Variants in CLN8 observed in about 807,000 individuals in gnomAD.
The protein encoded by CLN8 is CLN8 transmembrane ER and ERGIC protein.
A neutral mutation model predicts 15.7 loss-of-function variants in CLN8; 14 were observed. That is an observed-to-expected ratio of 0.89 (90% confidence interval 0.59 to 1.39). The LOEUF (loss-of-function observed/expected upper bound fraction) is 1.39, where lower values mean the gene tolerates loss of function less well. CLN8 is among the 40% of genes most tolerant of loss of function. The probability of loss-of-function intolerance (pLI) is 0.00; values close to 1 mark genes in which losing one functional copy is unlikely to be tolerated. For synonymous variants in CLN8, 188 were observed against 151.0 expected, an observed-to-expected ratio of 1.25 and a Z score of -1.80; for missense variants, 415 against 364.0, an observed-to-expected ratio of 1.14 and a Z score of -1.14.
At position 1,758,598 on chromosome 8, in the gene CLN8, G is replaced by A. The variant is rs1447527649; in HGVS notation, c.-124+2516G>A. The A allele has an allele frequency of 3.9e-5, 6 of 152,320 alleles. No homozygotes were observed. In the East Asian group the frequency reaches 7.7e-4, roughly 20 times the overall value. 9.4% of individuals were successfully genotyped at this position (152,320 alleles called of 1,614,324 possible). A position where few individuals can be genotyped will look rare whatever the true frequency, so the allele number is the denominator to read the frequency against. ...TTTCAAAATTCGGCTTTGTCATTTAGCAGTGTGTGGAGGTGTACATGTTGC... is the reference window on the plus strand; with the variant it reads ...TTTCAAAATTCGGCTTTGTCATTTAACAGTGTGTGGAGGTGTACATGTTGC... On this transcript the variant is annotated intron_variant, in intron 1 of 1. Transcript: ENST00000524258.
chr8:1,767,565 CTTTTTT>C (rs1156569423), intron 1 of CLN8, among the ~76,000 whole-genome samples: 3 of 81,310 alleles, frequency 3.7e-5, no homozygotes, highest in African/African-American at 1.5e-4. Context: ...ATGTTTCTTT[CTTTTTT>C]TTTTTTTTTT....
At chr8:1,772,284 T>C (rs1352035321) in intron 2 of CLN8, among the ~76,000 whole-genome samples, 1 of 152,152 alleles carries the variant, frequency 6.6e-6, no homozygotes, top group African/African-American at 2.4e-5. Flanking sequence ...CGTACACACA[T>C]ACCTTGCTTG....
At chr8:1,763,671 G>A (rs1408202149), upstream of CLN8, 1 of 123,124 alleles carries the variant, frequency 8.1e-6, no homozygotes, top group Non-Finnish European at 1.7e-5. Flanking sequence ...CGCCCCTCCC[G>A]CGCCCGCCGC....
intron 1 of CLN8, among the ~76,000 whole-genome samples, chr8:1,757,766 A>C (rs542912036): frequency 6.6e-6 from 1 of 152,230 alleles, no homozygotes; most frequent in South Asian, 2.1e-4. Context: ...GGCATTTTTA[A>C]AGGCTGGTTG....
intron 2 of CLN8, chr8:1,780,032 C>A: frequency 1.0e-6 from 1 of 985,476 alleles, no homozygotes; most frequent in Non-Finnish European, 1.2e-6. Context: ...CATGAGCGGG[C>A]AAGGGTCAGC....
In CLN8 at chr8:1,766,390, GTT is replaced by G. The variant is rs5888909; in HGVS notation, c.-124+2521_-124+2522del. On this transcript the variant is annotated intron_variant, in intron 1 of 2. Coordinates refer to ENST00000331222, the MANE Select transcript of CLN8 (RefSeq NM_018941.4). ...CATTAGGTTCGGCCTCCAGTTTTTT[GTT>G]TTTTTTTTTTTTTTTGAGACGGAGC... Among the ~76,000 whole-genome samples, 96 of 109,492 alleles carry G rather than the reference GTT, an allele frequency of 8.8e-4. 1 individual carries two copies. Among genetic ancestry groups the G allele is most frequent in the Middle Eastern group, 4.6e-3 (1 of 218 alleles). The allele number at this position is 109,492 out of a possible 152,430, so 71.8% of individuals were successfully genotyped here.
At chr8:1,763,426 C>G (rs1222988401), upstream of CLN8, 2 of 33,594 alleles carry the variant, frequency 6.0e-5, no homozygotes, top group Admixed American at 2.3e-4. Context: ...GCCCCGCCCC[C>G]CGCCGCGCCC....
intron 1 of CLN8, among the ~76,000 whole-genome samples, chr8:1,766,146 TCATGGC>T (rs1441693842): frequency 6.6e-6 from 1 of 152,148 alleles, no homozygotes; most frequent in Non-Finnish European, 1.5e-5. Context: ...TTAAAAAACT[TCATGGC>T]CCAGTGCAAT....
chr8:1,765,638 G>T (rs959369530), intron 1 of CLN8, among the ~76,000 whole-genome samples: 2 of 152,206 alleles, frequency 1.3e-5, no homozygotes, highest in Non-Finnish European at 2.9e-5. Flanking sequence ...GTTCAAAAGA[G>T]AATACACAAA....
chr8:1,767,549 C>T (rs527547871), intron 1 of CLN8, among the ~76,000 whole-genome samples: 1 of 148,082 alleles, frequency 6.8e-6, no homozygotes, highest in East Asian at 2.0e-4. Flanking sequence ...TTTCCCGCTG[C>T]TCTGTATGTT....
At chr8:1,773,039 AC>A in intron 2 of CLN8, 1 of 398,234 alleles carries the variant, frequency 2.5e-6, no homozygotes, top group Non-Finnish European at 4.4e-6. Flanking sequence ...AACAGTACAG[AC>A]TGTTCATGCA....
rs1453544149 is a variant in CLN8, at chr8:1,771,145, G to A, written c.91G>A (p.Gly31Ser). 1.2e-6 allele frequency: 2 copies of A among 1,613,952 alleles called. No individual in the cohort carries two copies. Among genetic ancestry groups the A allele is most frequent in the African/African-American group, 2.7e-5 (2 of 74,890 alleles). ...WGIRSTLMVA[G>S]FVFYLGVFVV... ...GATCCGCTCCACGCTGATGGTCGCT[G>A]GCTTTGTCTTCTACTTGGGCGTCTT... Residue 31 changes from glycine (G) to serine (S), a missense_variant, in exon 2 of 3, where the codon GGC becomes AGC. Coordinates refer to ENST00000331222, the MANE Select transcript of CLN8 (RefSeq NM_018941.4).
chr8:1,774,668 C>G (rs1359426831), intron 2 of CLN8, among the ~76,000 whole-genome samples: 2 of 152,178 alleles, frequency 1.3e-5, no homozygotes, highest in African/African-American at 4.8e-5. Flanking sequence ...TCCACAGACT[C>G]ACTAGTTCAT....
chr8:1,753,876 AC>A (rs1189393478), upstream of CLN8, among the ~76,000 whole-genome samples: 1 of 151,224 alleles, frequency 6.6e-6, no homozygotes, highest in Non-Finnish European at 1.5e-5. Flanking sequence ...ACAAGAGTGA[AC>A]CTCCATCTCA....
intron 2 of CLN8, among the ~76,000 whole-genome samples, chr8:1,779,594 C>CTGTG: frequency 6.6e-6 from 1 of 152,212 alleles, no homozygotes; most frequent in East Asian, 1.9e-4. Flanking sequence ...TCAGCTCAGG[C>CTGTG]TGCCACAGCA....
upstream of CLN8, chr8:1,763,416 GC>G (rs1268597733): frequency 1.4e-4 from 3 of 22,136 alleles, no homozygotes; most frequent in Admixed American, 1.1e-3. Flanking sequence ...CCCCCGCCGC[GC>G]CCCGCCCCCC....
At chr8:1,760,757 C>A (rs1029833965), upstream of CLN8, among the ~76,000 whole-genome samples, 3 of 152,106 alleles carry the variant, frequency 2.0e-5, no homozygotes, top group Admixed American at 6.5e-5. Flanking sequence ...TCGGATCTTG[C>A]GCAGGGAGGA....
chr8:1,780,589 G>A lies in CLN8; in HGVS notation c.*22G>A. 1 of 1,609,940 alleles carries A rather than the reference G, an allele frequency of 6.2e-7. No homozygotes were observed. On this transcript the variant is annotated 3_prime_UTR_variant, in exon 3 of 3. Transcript: ENST00000331222. ...ATAGCTGCTCCAGCCGGGGCTCCGG[G>A]GCGGCAGCAGAGCTGGCACACCGAT...
intron 2 of CLN8, among the ~76,000 whole-genome samples, chr8:1,776,683 T>G (rs1044700606): frequency 6.6e-6 from 1 of 152,242 alleles, no homozygotes; most frequent in African/African-American, 2.4e-5. Flanking sequence ...GTGTCTTCAG[T>G]TTGATAACTA....
Sources: allele counts gnomAD v4.1 joint callset (sites outside exome capture counted in the v4.1 genomes callset), GRCh38; gene constraint gnomAD v4.1.1; transcripts MANE v1.5; gene names NCBI Gene and HGNC (gene_info 2026-07-23, HGNC 2026-07-21).